Variants in CFAP20DC observed in about 807,000 individuals in gnomAD.
The protein encoded by CFAP20DC is CFAP20 domain containing, also known as protein CFAP20DC.
Under a neutral mutation model 101.7 loss-of-function variants are expected in CFAP20DC, and 84 were observed. That is an observed-to-expected ratio of 0.83 (90% CI 0.69 to 0.99). The LOEUF (loss-of-function observed/expected upper bound fraction) is 0.99. Ranked by LOEUF, CFAP20DC falls within the 50% of genes least tolerant of loss-of-function variation. The pLI is 0.00. For missense variants in CFAP20DC, 1,007 were observed against 970.3 expected (o/e 1.04, Z -0.50); for synonymous variants, 359 against 351.2 (o/e 1.02, Z -0.25).
At chr3:58,988,998 A>C (rs1381870375) in intron 4 of CFAP20DC, among the ~76,000 whole-genome samples, 1 of 152,160 alleles carries the variant, frequency 6.6e-6, no homozygotes. Flanking sequence ...GTTAGATAAC[A>C]CAAGATGAAA....
At chr3:58,791,257 T>C (rs889894258) in intron 15 of CFAP20DC, among the ~76,000 whole-genome samples, 2 of 152,176 alleles carry the variant, frequency 1.3e-5, no homozygotes, top group African/African-American at 2.4e-5. Flanking sequence ...ATCATCACTT[T>C]CTACCATTTA....
intron 4 of CFAP20DC, among the ~76,000 whole-genome samples, chr3:58,956,544 T>C (rs1385476348): frequency 6.6e-6 from 1 of 151,950 alleles, no homozygotes; most frequent in Non-Finnish European, 1.5e-5. Flanking sequence ...ACAGCTAAGG[T>C]TTTTGACTTT....
chr3:59,037,408 C>G (rs920551515), intron 4 of CFAP20DC, among the ~76,000 whole-genome samples: 2 of 151,594 alleles, frequency 1.3e-5, no homozygotes, highest in African/African-American at 4.8e-5. Context: ...TATCCAGAAT[C>G]TACCAGGAAC....
At chr3:58,965,281 T>G (rs2108285250) in intron 4 of CFAP20DC, among the ~76,000 whole-genome samples, 1 of 152,326 alleles carries the variant, frequency 6.6e-6, no homozygotes, top group South Asian at 2.1e-4. Flanking sequence ...AAGTTTATGT[T>G]TTTGCCATTA....
chr3:58,946,958 T>C (rs550508449), intron 4 of CFAP20DC, among the ~76,000 whole-genome samples: 1 of 152,340 alleles, frequency 6.6e-6, no homozygotes, highest in Admixed American at 6.5e-5. Context: ...AATGAATATT[T>C]ACATTTTACC....
chr3:58,883,061 T>C (rs1249364115), intron 7 of CFAP20DC, among the ~76,000 whole-genome samples: 1 of 152,206 alleles, frequency 6.6e-6, no homozygotes, highest in Non-Finnish European at 1.5e-5. Flanking sequence ...GAACATGGAA[T>C]AAGTATAGAG....
At chr3:59,023,427 A>G (rs1307980659) in intron 4 of CFAP20DC, among the ~76,000 whole-genome samples, 1 of 152,144 alleles carries the variant, frequency 6.6e-6, no homozygotes. Flanking sequence ...AAGATAATGC[A>G]TTTGAGTTTG....
At position 58,799,472 on chromosome 3, in the gene CFAP20DC, C is replaced by T. The variant is rs1013785460; in HGVS notation, c.2237+6923G>A. On this transcript the variant is annotated intron_variant, in intron 15 of 16. Transcript: ENST00000482387. This position sits in a 1 kb window ranked among gnomAD's most constrained non-coding sequence, Gnocchi z 4.9. ...AGAAGTATACAGGTGCTCATGGGCTCCAGCTAGTGGAATACACAGTGACGT... is the reference window on the plus strand; with the variant it reads ...AGAAGTATACAGGTGCTCATGGGCTTCAGCTAGTGGAATACACAGTGACGT... Among the ~76,000 whole-genome samples, 2 of 152,060 alleles carry T rather than the reference C, an allele frequency of 1.3e-5. No individual in the cohort carries two copies. The highest frequency in any genetic ancestry group is 2.9e-5 in the Non-Finnish European group (2 of 68,008).
intron 13 of CFAP20DC, among the ~76,000 whole-genome samples, chr3:58,846,828 T>C (rs1278196663): frequency 1.4e-5 from 2 of 147,610 alleles, no homozygotes; most frequent in Non-Finnish European, 3.0e-5. Flanking sequence ...TATAGATCAA[T>C]GGAACAGAAC....
chr3:59,022,966 C>A (rs1004292665), intron 4 of CFAP20DC, among the ~76,000 whole-genome samples: 1 of 152,004 alleles, frequency 6.6e-6, no homozygotes, highest in Non-Finnish European at 1.5e-5. Context: ...AATTCTCCTG[C>A]CTTTACATAT....
downstream of CFAP20DC, among the ~76,000 whole-genome samples, chr3:58,738,659 G>C (rs1323861161): frequency 2.6e-5 from 4 of 152,168 alleles, no homozygotes; most frequent in Admixed American, 2.6e-4. The surrounding 1 kb of genome is among the most constrained non-coding windows in gnomAD (Gnocchi z 4.4). Flanking sequence ...TATGTGTGCA[G>C]GTATCCTTGT....
chr3:58,763,846 A>G (rs1353823718), intron 15 of CFAP20DC, among the ~76,000 whole-genome samples: 1 of 152,188 alleles, frequency 6.6e-6, no homozygotes, highest in Non-Finnish European at 1.5e-5. Context: ...GAGGCTGCAG[A>G]ACAGTGGATA....
At chr3:58,777,337 A>G (rs775517312) in intron 15 of CFAP20DC, among the ~76,000 whole-genome samples, 17 of 152,326 alleles carry the variant, frequency 1.1e-4, no homozygotes, top group Middle Eastern at 6.8e-3. Context: ...CTTAAAATGT[A>G]TAAAACCAAG....
Position 59,033,387 on chromosome 3 carries a change from A to G in CFAP20DC, c.278+6170T>C, listed in dbSNP as rs1280328247. 6.6e-5 allele frequency among the ~76,000 whole-genome samples: 10 copies of G among 152,266 alleles called. No individual in the cohort carries two copies. In the South Asian group the frequency reaches 1.5e-3, roughly 22 times the overall value. ...AGAAGTAGGCTTGAGAAGGTGGGTA[A>G]TAACAAACTCCTCCAAGCTAAAGGA... On this transcript the variant is annotated intron_variant, in intron 4 of 16. Coordinates refer to ENST00000482387, the MANE Select transcript of CFAP20DC (RefSeq NM_001394063.1).
chr3:58,764,226 T>A (rs1270534830), intron 15 of CFAP20DC, among the ~76,000 whole-genome samples: 1 of 152,184 alleles, frequency 6.6e-6, no homozygotes, highest in Non-Finnish European at 1.5e-5. Flanking sequence ...TACTCTAGCC[T>A]CAGCAATGGA....
intron 12 of CFAP20DC, among the ~76,000 whole-genome samples, chr3:58,857,529 GTTGCACTGCAT>G (rs1423638010): frequency 6.6e-6 from 1 of 152,178 alleles, no homozygotes; most frequent in Non-Finnish European, 1.5e-5. Context: ...CATTCTCCTG[GTTGCACTGCAT>G]TTCCACAGTA....
intron 12 of CFAP20DC, among the ~76,000 whole-genome samples, chr3:58,855,736 G>A (rs911019582): frequency 2.0e-5 from 3 of 149,352 alleles, no homozygotes; most frequent in African/African-American, 7.4e-5. Flanking sequence ...ATCACAAGAA[G>A]AAAAAACTAA....
chr3:59,046,114 T>C (rs138865444), intron 3 of CFAP20DC, 115 bp downstream of exon 3: 7 of 722,678 alleles, frequency 9.7e-6, no homozygotes, highest in Middle Eastern at 3.2e-4. Context: ...AAAAATTCTA[T>C]CATCTTACAT....
At position 59,002,965 on chromosome 3, in the gene CFAP20DC, A is replaced by G. The variant is rs1451355910; in HGVS notation, c.278+36592T>C. Reference sequence around the variant, plus strand: ...TACTGACAGAGCTATAATGCATCCAAGATTTCTGACTGAATATCCAATGTT... The same window carrying G: ...TACTGACAGAGCTATAATGCATCCAGGATTTCTGACTGAATATCCAATGTT... On this transcript the variant is annotated intron_variant, in intron 4 of 16. Transcript: ENST00000482387. This position sits in a 1 kb window ranked among gnomAD's most constrained non-coding sequence, Gnocchi z 4.5. 6.6e-6 allele frequency among the ~76,000 whole-genome samples: 1 copy of G among 152,224 alleles called. No homozygotes were observed. The highest frequency in any genetic ancestry group is 2.4e-5 in the African/African-American group (1 of 41,460).
Sources: gnomAD v4.1 joint callset for allele counts (sites outside exome capture counted in the v4.1 genomes callset) on GRCh38, gnomAD v4.1.1 for gene constraint, Gnocchi (gnomAD v3.1) non-coding constraint, MANE v1.5 for transcripts, NCBI Gene and HGNC (gene_info 2026-07-23, HGNC 2026-07-21) for gene names.